CDC14A: variants seen among roughly 807,000 people sequenced by gnomAD.
CDC14A encodes cell division cycle 14A.
A neutral mutation model predicts 74.4 loss-of-function variants in CDC14A; 53 were observed. The ratio of observed to expected loss-of-function variants is 0.71; its 90% CI spans 0.57 to 0.89. The LOEUF (loss-of-function observed/expected upper bound fraction) is 0.89, where lower values mean the gene tolerates loss of function less well. CDC14A is among the 40% of genes least tolerant of loss of function. The pLI, the probability that CDC14A is intolerant of heterozygous loss-of-function variation, is 0.00. For missense variants in CDC14A, 646 were observed against 713.7 expected, an observed-to-expected ratio of 0.91 and a Z score of 1.08; for synonymous variants, 247 against 258.4, an observed-to-expected ratio of 0.96 and a Z score of 0.43.
intron 15 of CDC14A, among the ~76,000 whole-genome samples, chr1:100,516,541 A>C (rs111985156): frequency 6.6e-6 from 1 of 152,180 alleles, no homozygotes; most frequent in Admixed American, 6.5e-5. Flanking sequence ...TCAAGAAAGC[A>C]CTAGCTGAGC....
At chr1:100,381,625 G>C (rs768985025) in intron 3 of CDC14A, among the ~76,000 whole-genome samples, 1 of 152,040 alleles carries the variant, frequency 6.6e-6, no homozygotes, top group Non-Finnish European at 1.5e-5. Flanking sequence ...TTGATGATTT[G>C]AGTTGGTGAT....
intron 2 of CDC14A, among the ~76,000 whole-genome samples, chr1:100,375,204 G>A (rs1655070529): frequency 6.6e-6 from 1 of 152,196 alleles, no homozygotes; most frequent in African/African-American, 2.4e-5. Context: ...ACCGATGTGA[G>A]TGGAGGCTTA....
chr1:100,350,925 G>A (rs1650908060), upstream of CDC14A, among the ~76,000 whole-genome samples: 1 of 152,160 alleles, frequency 6.6e-6, no homozygotes, highest in Non-Finnish European at 1.5e-5. Context: ...CTGGCGCGGT[G>A]GCTCAGCCTG....
chr1:100,412,693 G>GTTTT (rs1359316631), intron 4 of CDC14A, among the ~76,000 whole-genome samples: 7 of 52,400 alleles, frequency 1.3e-4, no homozygotes, highest in African/African-American at 5.5e-4. Flanking sequence ...CTTCCTGTAT[G>GTTTT]TTTTATATAT....
At chr1:100,375,862 G>T (rs962947316) in intron 2 of CDC14A, among the ~76,000 whole-genome samples, 21 of 152,204 alleles carry the variant, frequency 1.4e-4, no homozygotes, top group South Asian at 1.2e-3. Context: ...TGTTTATTGC[G>T]GCACTATTCA....
At chr1:100,361,019 C>T (rs1291592339) in intron 2 of CDC14A, among the ~76,000 whole-genome samples, 1 of 151,532 alleles carries the variant, frequency 6.6e-6, no homozygotes, top group Non-Finnish European at 1.5e-5. Flanking sequence ...CAGATGTTCT[C>T]ATTTGTAAGT....
At chr1:100,375,973 A>C (rs536138017) in intron 2 of CDC14A, among the ~76,000 whole-genome samples, 1 of 152,336 alleles carries the variant, frequency 6.6e-6, no homozygotes, top group East Asian at 1.9e-4. Flanking sequence ...CAGCCATAAA[A>C]AATGATGAGT....
intron 5 of CDC14A, among the ~76,000 whole-genome samples, chr1:100,433,648 C>T (rs191906099): frequency 5.5e-4 from 84 of 152,232 alleles, no homozygotes; most frequent in Admixed American, 1.5e-3. Flanking sequence ...TCCATTCTTT[C>T]TTCTTCGAGT....
chr1:100,451,819 T>C (rs755566975), intron 7 of CDC14A, among the ~76,000 whole-genome samples: 1 of 152,256 alleles, frequency 6.6e-6, no homozygotes, highest in African/African-American at 2.4e-5. Flanking sequence ...TAGAATACAC[T>C]AGTGTTTAAC....
rs1055911958 is a variant in CDC14A, at chr1:100,502,976, C to G, written c.1755+3714C>G. 1.8e-4 allele frequency among the ~76,000 whole-genome samples: 28 copies of G among 152,162 alleles called. 1 individual carries two copies. Among genetic ancestry groups the G allele is most frequent in the African/African-American group, 6.8e-4 (28 of 41,430 alleles). ...AAGCATTTATAAATAGAATTATCAA[C>G]ACAACATTTTCCTCCCTCTCACCCT... is the stretch of plus-strand genomic sequence containing the variant. On this transcript the variant is annotated intron_variant, in intron 15 of 15. Transcript: ENST00000336454.
At chr1:100,452,009 T>A (rs539372045) in intron 7 of CDC14A, among the ~76,000 whole-genome samples, 65 of 152,356 alleles carry the variant, frequency 4.3e-4, no homozygotes, top group Non-Finnish European at 7.9e-4. Flanking sequence ...AATGTTGAAT[T>A]GCGCTTCAAA....
chr1:100,456,826 A>G (rs1014836073), intron 8 of CDC14A, among the ~76,000 whole-genome samples: 1 of 152,190 alleles, frequency 6.6e-6, no homozygotes, highest in Non-Finnish European at 1.5e-5. Flanking sequence ...CGAATGGGCA[A>G]TCCAGGTCTA....
chr1:100,388,802 T>C (rs1003997752), intron 3 of CDC14A, among the ~76,000 whole-genome samples: 7 of 152,164 alleles, frequency 4.6e-5, no homozygotes, highest in African/African-American at 1.7e-4. Context: ...TCTCCTGCTT[T>C]GGCCTCTCAA....
chr1:100,468,559 G>T (rs1274914666), intron 10 of CDC14A, among the ~76,000 whole-genome samples: 3 of 152,186 alleles, frequency 2.0e-5, no homozygotes. Context: ...TACCCAAGAA[G>T]TTACCACAGA....
At chr1:100,506,435 G>T (rs1017693211) in intron 15 of CDC14A, among the ~76,000 whole-genome samples, 1 of 152,122 alleles carries the variant, frequency 6.6e-6, no homozygotes, top group Non-Finnish European at 1.5e-5. Flanking sequence ...TTCCCAAGGG[G>T]ACCTGAGAAT....
chr1:100,425,153 G>A (rs1662807674), intron 5 of CDC14A, among the ~76,000 whole-genome samples: 1 of 152,208 alleles, frequency 6.6e-6, no homozygotes, highest in African/African-American at 2.4e-5. Context: ...GGGTGACAGA[G>A]TGATACCGTT....
intron 15 of CDC14A, among the ~76,000 whole-genome samples, chr1:100,500,655 C>A (rs372587036): frequency 7.1e-6 from 1 of 141,692 alleles, no homozygotes; most frequent in African/African-American, 2.7e-5. Flanking sequence ...TACCATAAGG[C>A]AGGAGAATCC....
chr1:100,357,418 TAG>T (rs1243037481), intron 2 of CDC14A, among the ~76,000 whole-genome samples: 1 of 151,998 alleles, frequency 6.6e-6, no homozygotes, highest in Admixed American at 6.6e-5. Flanking sequence ...TGGGGAAGTA[TAG>T]AATGAGAGAG....
chr1:100,420,082 A>AT (rs58124351), intron 4 of CDC14A, among the ~76,000 whole-genome samples: 7 of 105,530 alleles, frequency 6.6e-5, no homozygotes, highest in Admixed American at 1.9e-4. Flanking sequence ...ATATATATAT[A>AT]GTGTGTATGT....
Sources: gnomAD v4.1 joint callset for allele counts (sites outside exome capture counted in the v4.1 genomes callset) on GRCh38, gnomAD v4.1.1 for gene constraint, MANE v1.5 for transcripts, NCBI Gene and HGNC (gene_info 2026-07-23, HGNC 2026-07-21) for gene names.